Variants in PPP2R2C observed in about 807,000 individuals in gnomAD.
PPP2R2C encodes protein phosphatase 2 regulatory subunit Bgamma.
PPP2R2C carries 10 observed loss-of-function variants against 45.3 expected under a neutral mutation model. The ratio of observed to expected loss-of-function variants is 0.22; its 90% CI spans 0.14 to 0.37. The LOEUF (loss-of-function observed/expected upper bound fraction) is 0.37, where lower values mean the gene tolerates loss of function less well. Among genes scored for constraint, PPP2R2C ranks in the 10% least tolerant of loss-of-function variants. PPP2R2C has a pLI of 1.00. For synonymous variants in PPP2R2C, 257 were observed against 245.4 expected, an observed-to-expected ratio of 1.05 and a Z score of -0.44; for missense variants, 308 against 619.7, an observed-to-expected ratio of 0.50 and a Z score of 5.34.
At chr4:6,455,095 C>T (rs960882948) in intron 1 of PPP2R2C, among the ~76,000 whole-genome samples, 2 of 152,166 alleles carry the variant, frequency 1.3e-5, no homozygotes, top group Non-Finnish European at 2.9e-5. Flanking sequence ...AAGCAAGAGA[C>T]ATAGAGACTG....
At position 6,351,830 on chromosome 4, in the gene PPP2R2C, G is replaced by A. The variant is rs1318177029; in HGVS notation, c.626-3820C>T. ...GCACCCTTCACGGTGTGGGCACCGGGCTGGGTCCATGGTCACCTGGTCCGT... is the reference window on the plus strand; with the variant it reads ...GCACCCTTCACGGTGTGGGCACCGGACTGGGTCCATGGTCACCTGGTCCGT... On this transcript the variant is annotated intron_variant, in intron 5 of 8. Transcript: ENST00000382599. 2.0e-5 allele frequency among the ~76,000 whole-genome samples: 3 copies of A among 152,292 alleles called. No individual in the cohort carries two copies. The East Asian group carries it at 5.8e-4, about 29-fold the overall frequency.
At chr4:6,365,817 G>A (rs576990036) in intron 5 of PPP2R2C, among the ~76,000 whole-genome samples, 29 of 152,290 alleles carry the variant, frequency 1.9e-4, no homozygotes, top group East Asian at 5.8e-4. Flanking sequence ...AGTTCCCACC[G>A]TGAGAAATCA....
chr4:6,535,183 C>A (rs760040784), intron 2 of PPP2R2C: 4 of 1,416,714 alleles, frequency 2.8e-6, no homozygotes, highest in Non-Finnish European at 3.8e-6. Flanking sequence ...CGCTGTCAGG[C>A]TGGCGCTGTG....
chr4:6,511,837 ATGG>A (rs1560594479), intron 2 of PPP2R2C, among the ~76,000 whole-genome samples: 7 of 4,492 alleles, frequency 1.6e-3, no homozygotes, highest in African/African-American at 5.5e-3. Flanking sequence ...GGTGGTGGTG[ATGG>A]TGGTGGTGGT....
chr4:6,408,306 G>T (rs1186308735), intron 1 of PPP2R2C, among the ~76,000 whole-genome samples: 1 of 152,196 alleles, frequency 6.6e-6, no homozygotes, highest in Admixed American at 6.5e-5. Context: ...ACTAACAGTA[G>T]AACTGGTTTC....
chr4:6,386,037 G>C (rs539451910), intron 1 of PPP2R2C, among the ~76,000 whole-genome samples: 36 of 152,314 alleles, frequency 2.4e-4, no homozygotes, highest in Non-Finnish European at 7.3e-5. Context: ...GCCAGGCCCT[G>C]CTCTAAATGC....
chr4:6,395,067 C>G lies in PPP2R2C; in HGVS notation c.71-13973G>C, dbSNP rs531679844. 1.1e-4 allele frequency among the ~76,000 whole-genome samples: 17 copies of G among 152,278 alleles called. No individual in the cohort carries two copies. The South Asian group carries it at 3.3e-3, about 30-fold the overall frequency. ...ACCCGCGAGCCTGCAGCCGCCTCCT[C>G]TCTGGATTTCCTGTCTTCATCTTGA... On this transcript the variant is annotated intron_variant, in intron 1 of 8. Transcript: ENST00000382599.
intron 2 of PPP2R2C, among the ~76,000 whole-genome samples, chr4:6,524,647 T>A (rs1242977543): frequency 3.3e-5 from 5 of 152,204 alleles, no homozygotes; most frequent in African/African-American, 1.2e-4. Flanking sequence ...GATGCTCAGC[T>A]GCTGTGGTTG....
intron 1 of PPP2R2C, among the ~76,000 whole-genome samples, chr4:6,394,424 C>T (rs1044256501): frequency 3.3e-5 from 5 of 152,202 alleles, no homozygotes; most frequent in African/African-American, 4.8e-5. Flanking sequence ...AATCACAGAA[C>T]TATGTGGACA....
intron 1 of PPP2R2C, among the ~76,000 whole-genome samples, chr4:6,451,335 C>T (rs6836145): frequency 6.6e-6 from 1 of 152,140 alleles, no homozygotes; most frequent in Non-Finnish European, 1.5e-5. Flanking sequence ...CCAGGCTTCT[C>T]GGCACGGCCC....
At chr4:6,548,225 A>AAAG (rs60462800) in intron 1 of PPP2R2C, among the ~76,000 whole-genome samples, 35,140 of 151,028 alleles carry the variant, frequency 0.23, 4,333 homozygotes, top group Non-Finnish European at 0.29. Flanking sequence ...CTTAAAAGAA[A>AAAG]AAGAAGAAGA....
intron 1 of PPP2R2C, among the ~76,000 whole-genome samples, chr4:6,413,077 C>T (rs1718293056): frequency 6.6e-6 from 1 of 152,164 alleles, no homozygotes; most frequent in Non-Finnish European, 1.5e-5. Flanking sequence ...CATAAGCCTC[C>T]ACCCATGAAA....
At position 6,323,280 on chromosome 4, in the gene PPP2R2C, A is replaced by C; in HGVS notation, c.*22T>G. ...GATGACTTGCATGAGGCTGGGTGGC[A>C]GGGGCCGGGAACTGCACATACCTAG... is the stretch of plus-strand genomic sequence containing the variant. On this transcript the variant is annotated 3_prime_UTR_variant, in exon 9 of 9. Transcript: ENST00000382599. The C allele has an allele frequency of 4.5e-6, 7 of 1,567,568 alleles. No homozygotes were observed. The highest frequency in any genetic ancestry group is 6.1e-6 in the Non-Finnish European group (7 of 1,149,256).
rs1721961431 is a variant in PPP2R2C at position 6,472,475 on chromosome 4, G to A, written c.-246C>T. On this transcript the variant is annotated 5_prime_UTR_variant, in exon 1 of 9. Transcript: ENST00000382599. Reference sequence around the variant, plus strand: ...TTCGGGCGGGCCGGGGCCCAGGCGCGCATCCCGGCCGGCCCGTGCGCGCTG... The same window carrying A: ...TTCGGGCGGGCCGGGGCCCAGGCGCACATCCCGGCCGGCCCGTGCGCGCTG... 1 of 254,896 alleles carries A rather than the reference G, an allele frequency of 3.9e-6. No homozygotes were observed. Among genetic ancestry groups the A allele is most frequent in the Non-Finnish European group, 6.0e-6 (1 of 165,370 alleles). 15.8% of individuals were successfully genotyped at this position (254,896 alleles called of 1,614,324 possible).
intron 2 of PPP2R2C, among the ~76,000 whole-genome samples, chr4:6,499,840 A>G (rs1433182739): frequency 6.6e-6 from 1 of 150,492 alleles, no homozygotes; most frequent in African/African-American, 2.4e-5. Context: ...CCTGCGCCCA[A>G]GGTCCCTTTC....
At chr4:6,424,869 C>G (rs529234710) in intron 1 of PPP2R2C, among the ~76,000 whole-genome samples, 1 of 152,200 alleles carries the variant, frequency 6.6e-6, no homozygotes, top group Non-Finnish European at 1.5e-5. Flanking sequence ...GACCGTACAG[C>G]CAGAGTTTCT....
intron 1 of PPP2R2C, among the ~76,000 whole-genome samples, chr4:6,431,441 G>A (rs1185624415): frequency 6.6e-6 from 1 of 152,224 alleles, no homozygotes; most frequent in East Asian, 1.9e-4. Flanking sequence ...AAGCTGCTCA[G>A]GCTGAGACTA....
intron 1 of PPP2R2C, among the ~76,000 whole-genome samples, chr4:6,543,285 A>C (rs1281910648): frequency 6.6e-6 from 1 of 152,106 alleles, no homozygotes; most frequent in East Asian, 1.9e-4. Context: ...TCCCTCATCA[A>C]TCAGGCATGG....
rs1714089098 is a variant in PPP2R2C, at chr4:6,364,446, TGAAG to T, written c.625+8073_625+8076del. Among the ~76,000 whole-genome samples, 1 of 150,426 alleles carries T rather than the reference TGAAG, an allele frequency of 6.6e-6. No individual in the cohort carries two copies. Among genetic ancestry groups the T allele is most frequent in the African/African-American group, 2.4e-5 (1 of 41,042 alleles). On this transcript the variant is annotated intron_variant, in intron 5 of 8. Transcript: ENST00000382599. The surrounding 1 kb of genome is among the most constrained non-coding windows in gnomAD (Gnocchi z 5.3). The stretch of plus-strand genomic sequence containing the variant: ...GTTACTTCCAGTTGGGAGAAGTTGC[TGAAG>T]GGTTCTGAGCAAGGAGTGACATGAT...
Sources: allele counts gnomAD v4.1 joint callset (sites outside exome capture counted in the v4.1 genomes callset), GRCh38; gene constraint gnomAD v4.1.1; non-coding constraint Gnocchi (gnomAD v3.1); transcripts MANE v1.5; gene names NCBI Gene and HGNC (gene_info 2026-07-23, HGNC 2026-07-21).